The following ITGAE variants were observed in gnomAD, a reference collection of about 807,000 sequenced individuals.
ITGAE encodes integrin subunit alpha E, also known as integrin alpha-E.
In ITGAE, 99 loss-of-function variants were observed where a neutral mutation model predicts 136.5. The ratio of observed to expected loss-of-function variants is 0.73; its 90% confidence interval spans 0.62 to 0.86. The LOEUF (loss-of-function observed/expected upper bound fraction) is 0.86. Among genes scored for constraint, ITGAE ranks in the 40% least tolerant of loss-of-function variants. The pLI is 0.00. For missense variants in ITGAE, 1,447 were observed against 1,515.3 expected (o/e 0.95, Z 0.75); for synonymous variants, 613 against 591.8 (o/e 1.04, Z -0.52).
At chr17:3,726,059 G>C in intron 26 of ITGAE, 5 of 1,614,166 alleles carry the variant, frequency 3.1e-6, no homozygotes, top group Non-Finnish European at 4.2e-6. Flanking sequence ...CCATGGATGA[G>C]GACCTGTTTA....
rs565046872 is a variant in ITGAE at position 3,797,493 on chromosome 17, C to G, written c.34+3618G>C. On this transcript the variant is annotated intron_variant, in intron 1 of 30. Transcript: ENST00000263087. ...TTTTTTTTTTTGAGACGGTGTCTCTCTCTGTCTTCCAGGCTGGAGTGCAGT... is the reference window on the plus strand; with the variant it reads ...TTTTTTTTTTTGAGACGGTGTCTCTGTCTGTCTTCCAGGCTGGAGTGCAGT... 1.8e-3 allele frequency among the ~76,000 whole-genome samples: 242 copies of G among 132,598 alleles called. 1 individual carries two copies. The highest frequency in any genetic ancestry group is 6.8e-3 in the African/African-American group (230 of 33,928). The allele number at this position is 132,598 out of a possible 152,430, so 87.0% of individuals were successfully genotyped here. A position where few individuals can be genotyped will look rare whatever the true frequency, so the allele number is the denominator to read the frequency against.
At chr17:3,787,778 CTCGAGT>C (rs370598398) in intron 1 of ITGAE, among the ~76,000 whole-genome samples, 53 of 151,886 alleles carry the variant, frequency 3.5e-4, no homozygotes, top group African/African-American at 1.2e-3. Context: ...ATCTCCACCT[CTCGAGT>C]TCAAGTGATT....
chr17:3,755,204 A>G lies in ITGAE; in HGVS notation c.1297T>C (p.Tyr433His). Reference sequence around the variant, plus strand: ...CGGCCCCGGCGGCTGCGTGTGTCGTAGAGCAACGCCCCTCCGGACCAGTCA... The same window carrying G: ...CGGCCCCGGCGGCTGCGTGTGTCGTGGAGCAACGCCCCTCCGGACCAGTCA... ...AFDWSGGALL[Y>H]DTRSRRGRFL... The change falls in exon 12 of 31, where the codon TAC becomes CAC. Residue 433 changes from tyrosine to histidine, a missense_variant. Transcript: ENST00000263087. 6.4e-7 allele frequency: 1 copy of G among 1,564,228 alleles called. No individual in the cohort carries two copies. Among genetic ancestry groups the G allele is most frequent in the African/African-American group, 1.4e-5 (1 of 73,252 alleles).
Position 3,760,191 on chromosome 17 carries a change from A to T in ITGAE, c.695T>A (p.Phe232Tyr), listed in dbSNP as rs1016208934. Residue 232 changes from phenylalanine (F) to tyrosine (Y), a missense_variant, in exon 7 of 31, where the codon TTC becomes TAC. Coordinates refer to ENST00000263087, the MANE Select transcript of ITGAE (RefSeq NM_002208.5). ...GCCCACCTCAAAACACTTTTCATAG[A>T]AGTTCCTCATCATGTTGGAGATGAA... ...KDFISNMMRN[F>Y]YEKCFECNFA... 6.2e-7 allele frequency: 1 copy of T among 1,611,836 alleles called. No homozygotes were observed. Among genetic ancestry groups the T allele is most frequent in the Non-Finnish European group, 8.5e-7 (1 of 1,178,114 alleles).
At chr17:3,757,958 G>A in intron 8 of ITGAE, 99 bp from the exon 9 acceptor site, 1 of 1,369,886 alleles carries the variant, frequency 7.3e-7, no homozygotes. Context: ...AATTGGGAGG[G>A]TTCACAATCC....
chr17:3,724,260 C>T (rs1305255900), intron 26 of ITGAE: 8 of 1,591,620 alleles, frequency 5.0e-6, no homozygotes, highest in Non-Finnish European at 6.0e-6. Flanking sequence ...TCGCCCAAGC[C>T]TAACCGTGAC....
chr17:3,773,267 G>A (rs1481881469), intron 2 of ITGAE, among the ~76,000 whole-genome samples: 6 of 152,046 alleles, frequency 3.9e-5, no homozygotes, highest in Admixed American at 2.0e-4. Context: ...CGAGGCGGGC[G>A]GATCACGAGG....
chr17:3,785,496 G>GGA (rs1555526921), intron 1 of ITGAE, among the ~76,000 whole-genome samples: 1 of 107,700 alleles, frequency 9.3e-6, no homozygotes, highest in Non-Finnish European at 1.9e-5. Flanking sequence ...AGGAAGGAAG[G>GGA]AGGAAGGAAG....
At chr17:3,786,141 T>C (rs571711914) in intron 1 of ITGAE, among the ~76,000 whole-genome samples, 3 of 134,438 alleles carry the variant, frequency 2.2e-5, no homozygotes, top group East Asian at 4.3e-4. Context: ...CACTCCAGCC[T>C]GGGTGACAGA....
intron 1 of ITGAE, among the ~76,000 whole-genome samples, chr17:3,791,125 A>C (rs1441141794): frequency 1.4e-5 from 2 of 145,926 alleles, no homozygotes; most frequent in Non-Finnish European, 3.0e-5. Flanking sequence ...ACTGCACTCC[A>C]GCCTGGGCGA....
chr17:3,772,002 C>T (rs1161474204), intron 2 of ITGAE, among the ~76,000 whole-genome samples: 4 of 150,710 alleles, frequency 2.7e-5, no homozygotes, highest in East Asian at 4.0e-4. Context: ...GCCTGGGTGA[C>T]GAGGCACCAC....
chr17:3,778,077 C>A (rs546324610), intron 1 of ITGAE, among the ~76,000 whole-genome samples: 1 of 152,106 alleles, frequency 6.6e-6, no homozygotes. Flanking sequence ...CACGAGAAAA[C>A]GTATCCCCAA....
intron 20 of ITGAE, among the ~76,000 whole-genome samples, chr17:3,735,214 C>A (rs556330865): frequency 6.6e-6 from 1 of 152,318 alleles, no homozygotes; most frequent in Admixed American, 6.5e-5. Flanking sequence ...GTTGCCCAGG[C>A]TGGAGTGCAA....
At chr17:3,793,608 GCTGTAAGTGGCCACTCTCCCAGCA>G (rs1367602579) in intron 1 of ITGAE, among the ~76,000 whole-genome samples, 4 of 152,306 alleles carry the variant, frequency 2.6e-5, no homozygotes, top group African/African-American at 9.6e-5. Flanking sequence ...GTCTATGTAG[GCTGTAAGTGGCCACTCTCCCAGCA>G]CCTACCGAGT....
chr17:3,755,381 T>A, intron 11 of ITGAE, 120 bp from the exon 12 acceptor site: 1 of 1,187,504 alleles, frequency 8.4e-7, no homozygotes, highest in Non-Finnish European at 1.1e-6. Flanking sequence ...CGTTCGGTGG[T>A]CTAGTGCCCG....
intron 8 of ITGAE, among the ~76,000 whole-genome samples, chr17:3,758,308 T>C (rs1331731595): frequency 6.6e-6 from 1 of 150,986 alleles, no homozygotes. Context: ...TGCAGTGGTG[T>C]GATCATGGCT....
chr17:3,745,920 G>A lies in ITGAE; in HGVS notation c.2163C>T (p.Arg721=), dbSNP rs1183610. 0.77 allele frequency: 1,242,295 copies of A among 1,612,980 alleles called. 486,479 individuals are homozygous for A. Among genetic ancestry groups the A allele is most frequent in the African/African-American group, 0.91 (68,365 of 74,988 alleles). Residue 721 remains arginine (R), a synonymous_variant, in exon 18 of 31, where the codon CGC becomes CGT. Transcript: ENST00000263087. ...CCAGCGTGAAGTTGAGAAGTGCCTC[G>A]CGGAGGCCTGGGAATGAAGACCAGA... The part of the protein sequence containing the change: ...SVTTASESGL[R]EALLNFTLDV...
chr17:3,786,847 G>A lies in ITGAE; in HGVS notation c.35-9187C>T, dbSNP rs564859899. Among the ~76,000 whole-genome samples the A allele has an allele frequency of 3.2e-3, 436 of 134,838 alleles. 1 individual carries two copies. Among genetic ancestry groups the A allele is most frequent in the Non-Finnish European group, 4.6e-3 (305 of 65,734 alleles). The allele number at this position is 134,838 out of a possible 152,430, so 88.5% of individuals were successfully genotyped here. On this transcript the variant is annotated intron_variant, in intron 1 of 30. Coordinates refer to ENST00000263087, the MANE Select transcript of ITGAE (RefSeq NM_002208.5). ...GGAGGTTGCAGTCAGCCAAGATTGC[G>A]CCACTGCACTCCAGCCTGGTGACAG...
rs998628095 is a variant in ITGAE at position 3,745,900 on chromosome 17, G to A, written c.2183C>T (p.Thr728Met). 9.9e-6 allele frequency: 16 copies of A among 1,613,774 alleles called. No individual in the cohort carries two copies. Among genetic ancestry groups the A allele is most frequent in the South Asian group, 2.2e-5 (2 of 91,070 alleles). ...CTGCTTCCCCACATCCACATCCAGCGTGAAGTTGAGAAGTGCCTCGCGGAG... is the reference window on the plus strand; with the variant it reads ...CTGCTTCCCCACATCCACATCCAGCATGAAGTTGAGAAGTGCCTCGCGGAG... Reference protein sequence around the residue: ...SGLREALLNFTLDVDVGKQRR... With the variant: ...SGLREALLNFMLDVDVGKQRR... The change falls in exon 18 of 31, where the codon ACG (threonine) becomes ATG (methionine). Residue 728 changes from threonine (T) to methionine (M), a missense_variant. Physicochemically the swap from Thr to Met is moderately conservative, Grantham distance 81. This residue lies in a region of ITGAE where 1,031 missense variants were observed against 1,011.4 expected (regional missense o/e 1.02). Transcript: ENST00000263087.
Sources: gnomAD v4.1 joint callset for allele counts (sites outside exome capture counted in the v4.1 genomes callset) on GRCh38, gnomAD v4.1.1 for gene constraint, gnomAD v4.1.1 regional missense constraint, MANE v1.5 for transcripts, NCBI Gene and HGNC (gene_info 2026-07-23, HGNC 2026-07-21) for gene names.